PCDH11X: variants seen among roughly 807,000 people sequenced by gnomAD.
The protein encoded by PCDH11X is protocadherin-11 X-linked.
PCDH11X carries 18 observed loss-of-function variants against 53.3 expected under a neutral mutation model. That is an observed-to-expected ratio of 0.34 (90% CI 0.23 to 0.50). PCDH11X has a LOEUF of 0.50. Ranked by LOEUF, PCDH11X falls within the 20% of genes least tolerant of loss-of-function variation. PCDH11X has a pLI of 0.98. For missense variants in PCDH11X, 570 were observed against 1,032.4 expected (o/e 0.55, Z 6.14); for synonymous variants, 279 against 393.3 (o/e 0.71, Z 3.44).
intron 6 of PCDH11X, among the ~76,000 whole-genome samples, chrX:92,186,726 A>G (rs2066105781): frequency 9.0e-6 from 1 of 110,737 alleles, no homozygotes; most frequent in South Asian, 3.8e-4. Context: ...AAAATTACAG[A>G]TAGATAGGAG....
chrX:92,600,246 A>T (rs1221036339), intron 10 of PCDH11X, among the ~76,000 whole-genome samples: 1 of 109,051 alleles, frequency 9.2e-6, no homozygotes, highest in African/African-American at 3.4e-5. Context: ...TTAATCACCA[A>T]AACAGTAGGA....
chrX:91,911,660 T>C (rs1008409827), intron 6 of PCDH11X, among the ~76,000 whole-genome samples: 3 of 111,111 alleles, frequency 2.7e-5, no homozygotes, highest in Non-Finnish European at 3.8e-5. Flanking sequence ...TTCTATTCTC[T>C]AGCTCCATGA....
At chrX:92,233,846 T>C (rs1189665408) in intron 7 of PCDH11X, among the ~76,000 whole-genome samples, 1 of 112,101 alleles carries the variant, frequency 8.9e-6, no homozygotes, top group Non-Finnish European at 1.9e-5. Flanking sequence ...TTTCACAGCA[T>C]ACTTCATTTT....
chrX:92,477,386 A>C lies in PCDH11X; in HGVS notation c.3367+9064A>C, dbSNP rs182596051. Among the ~76,000 whole-genome samples, 443 of 103,925 alleles carry C rather than the reference A, an allele frequency of 4.3e-3. 5 individuals are homozygous for C. The South Asian group carries it at 0.052, about 12-fold the overall frequency. 90.2% of individuals were successfully genotyped at this position (103,925 alleles called of 115,157 possible). ...GTTTCACCCTGTGGCCACTGCCAAC[A>C]TGAGGCCATGGAGAATACTGCCAAG... On this transcript the variant is annotated intron_variant, in intron 10 of 10. Coordinates refer to ENST00000682573, the MANE Select transcript of PCDH11X (RefSeq NM_032968.5).
At chrX:91,798,597 A>C (rs1267505098) in intron 1 of PCDH11X, among the ~76,000 whole-genome samples, 1 of 110,887 alleles carries the variant, frequency 9.0e-6, no homozygotes, top group Non-Finnish European at 1.9e-5. Context: ...TCAAAAAAAA[A>C]AAAAAATCAG....
intron 6 of PCDH11X, among the ~76,000 whole-genome samples, chrX:91,898,407 G>A (rs1169099693): frequency 1.8e-5 from 2 of 109,636 alleles, no homozygotes; most frequent in Non-Finnish European, 3.8e-5. Context: ...CCTAAACCCT[G>A]CCATGTGTGT....
intron 10 of PCDH11X, among the ~76,000 whole-genome samples, chrX:92,494,190 A>G (rs2073821432): frequency 9.1e-6 from 1 of 110,147 alleles, no homozygotes; most frequent in Non-Finnish European, 1.9e-5. Context: ...ACAAAATCAG[A>G]GTGCAATTAT....
At chrX:92,027,397 T>C (rs768013665) in intron 6 of PCDH11X, among the ~76,000 whole-genome samples, 132 of 111,044 alleles carry the variant, frequency 1.2e-3, no homozygotes, top group African/African-American at 4.1e-3. Flanking sequence ...ATATAGAACA[T>C]AGGGAGCCGA....
intron 6 of PCDH11X, among the ~76,000 whole-genome samples, chrX:92,038,766 C>A (rs1298868144): frequency 9.4e-6 from 1 of 106,748 alleles, no homozygotes; most frequent in Non-Finnish European, 1.9e-5. Context: ...GGGGACGGGT[C>A]TTTCCTATGC....
intron 10 of PCDH11X, among the ~76,000 whole-genome samples, chrX:92,498,568 T>A (rs997872954): frequency 3.6e-5 from 4 of 110,748 alleles, no homozygotes; most frequent in African/African-American, 1.3e-4. Flanking sequence ...AAACTTTAAG[T>A]CAGGTTATTA....
chrX:92,054,820 CAAAAA>C (rs1174448342), intron 6 of PCDH11X, among the ~76,000 whole-genome samples: 4 of 25,344 alleles, frequency 1.6e-4, no homozygotes, highest in Admixed American at 5.8e-4. Flanking sequence ...AACTCTGTCT[CAAAAA>C]AAAAAAAAAA....
chrX:91,886,724 T>C (rs182386713), intron 6 of PCDH11X, among the ~76,000 whole-genome samples: 275 of 109,503 alleles, frequency 2.5e-3, no homozygotes, highest in Admixed American at 7.2e-3. Flanking sequence ...GTATTCCCAG[T>C]ACTTTGGGAG....
In PCDH11X at chrX:92,621,745, T is replaced by C. The variant is rs1444666821; in HGVS notation, c.*2805T>C. ...TGGCTATTGTGATGTATGATGTATGTAGTCCTACAACTGCAAAACGTCTTA... is the reference window on the plus strand; with the variant it reads ...TGGCTATTGTGATGTATGATGTATGCAGTCCTACAACTGCAAAACGTCTTA... On this transcript the variant is annotated 3_prime_UTR_variant, in exon 11 of 11. Transcript: ENST00000682573. The C allele has an allele frequency of 1.8e-5, 2 of 111,831 alleles. No homozygotes were observed. The highest frequency in any genetic ancestry group is 1.9e-4 in the Admixed American group (2 of 10,502). 9.2% of individuals were successfully genotyped at this position (111,831 alleles called of 1,213,427 possible). A position where few individuals can be genotyped will look rare whatever the true frequency, so the allele number is the denominator to read the frequency against.
At chrX:92,176,347 T>C (rs1470886036) in intron 6 of PCDH11X, among the ~76,000 whole-genome samples, 1 of 111,960 alleles carries the variant, frequency 8.9e-6, no homozygotes, top group Non-Finnish European at 1.9e-5. Context: ...CTTGTAGATA[T>C]TTTCAGGCAA....
At chrX:92,302,062 G>A (rs746373080) in intron 8 of PCDH11X, among the ~76,000 whole-genome samples, 151 of 111,486 alleles carry the variant, frequency 1.4e-3, no homozygotes, top group Non-Finnish European at 2.3e-3. Flanking sequence ...AGTATTCTTC[G>A]TTGTATCTTT....
chrX:92,103,238 G>A (rs959858172), intron 6 of PCDH11X, among the ~76,000 whole-genome samples: 1 of 110,742 alleles, frequency 9.0e-6, no homozygotes, highest in African/African-American at 3.3e-5. Context: ...CTGGGCAGGT[G>A]GAGATAACTA....
At chrX:92,261,963 A>G (rs2067725656) in intron 7 of PCDH11X, among the ~76,000 whole-genome samples, 2 of 111,618 alleles carry the variant, frequency 1.8e-5, no homozygotes, top group Admixed American at 1.9e-4. Flanking sequence ...TTATAAGAAT[A>G]TCTTGGGCTA....
chrX:92,023,899 A>G (rs997955693), intron 6 of PCDH11X, among the ~76,000 whole-genome samples: 4 of 109,286 alleles, frequency 3.7e-5, no homozygotes, highest in Non-Finnish European at 3.8e-5. Context: ...AAATAAATGA[A>G]CCAATGACTA....
chrX:92,540,787 T>TGTTTTTTTCC (rs2074742854), intron 10 of PCDH11X, among the ~76,000 whole-genome samples: 2 of 106,783 alleles, frequency 1.9e-5, no homozygotes, highest in Admixed American at 2.1e-4. Context: ...CTATCAGAAG[T>TGTTTTTTTCC]GTTTTTTTCC....
Sources: gnomAD v4.1 joint callset for allele counts (sites outside exome capture counted in the v4.1 genomes callset) on GRCh38, gnomAD v4.1.1 for gene constraint, MANE v1.5 for transcripts, NCBI Gene and HGNC (gene_info 2026-07-23, HGNC 2026-07-21) for gene names.